Variants in MAP4 observed in about 807,000 individuals in gnomAD.
MAP4 encodes the protein microtubule associated protein 4, also known as microtubule-associated protein 4.
MAP4 carries 76 observed loss-of-function variants against 170.2 expected under a neutral mutation model. The observed-to-expected ratio is 0.45, with a 90% CI of 0.37 to 0.54. The LOEUF (loss-of-function observed/expected upper bound fraction) is 0.54. Ranked by LOEUF, MAP4 falls within the 20% of genes least tolerant of loss-of-function variation. The probability of loss-of-function intolerance (pLI) is 0.00; values close to 1 mark genes in which losing one functional copy is unlikely to be tolerated. For synonymous variants in MAP4, 909 were observed against 994.5 expected (o/e 0.91, Z 1.62); for missense variants, 2,506 against 2,748.0 (o/e 0.91, Z 1.97).
chr3:47,892,689 A>C, intron 10 of MAP4: 1 of 1,377,566 alleles, frequency 7.3e-7, no homozygotes, highest in Non-Finnish European at 9.3e-7. Flanking sequence ...GAAAGGAAGA[A>C]TGAATGAAAG....
chr3:47,962,292 A>C (rs143338674), intron 3 of MAP4, among the ~76,000 whole-genome samples: 1,912 of 152,244 alleles, frequency 0.013, 18 homozygotes, highest in Non-Finnish European at 0.02. Context: ...CTCACCCTTA[A>C]ATTCTTTCCT....
chr3:48,062,713 G>A (rs1485514440), intron 1 of MAP4, among the ~76,000 whole-genome samples: 5 of 151,426 alleles, frequency 3.3e-5, no homozygotes, highest in African/African-American at 9.7e-5. Context: ...ACCTGAGGTT[G>A]GGAGTTCGAG....
intron 10 of MAP4, among the ~76,000 whole-genome samples, chr3:47,887,247 C>T (rs1026004016): frequency 6.6e-5 from 10 of 152,216 alleles, no homozygotes; most frequent in African/African-American, 1.9e-4. Context: ...GCAGCACTTG[C>T]GGGTCAGCTG....
intron 4 of MAP4, among the ~76,000 whole-genome samples, chr3:47,922,449 G>A (rs2100043473): frequency 6.6e-6 from 1 of 152,084 alleles, no homozygotes; most frequent in Admixed American, 6.6e-5. Context: ...GGCAACTAAT[G>A]CTCAGCTGTA....
intron 1 of MAP4, among the ~76,000 whole-genome samples, chr3:48,074,487 AT>A (rs1428580933): frequency 1.2e-5 from 1 of 84,810 alleles, no homozygotes; most frequent in Non-Finnish European, 2.5e-5. Context: ...TACAAAATAC[AT>A]TATATATATA....
intron 12 of MAP4, among the ~76,000 whole-genome samples, chr3:47,873,521 T>C (rs1471670357): frequency 6.6e-6 from 1 of 152,072 alleles, no homozygotes. Context: ...GTACTAGAAA[T>C]TAAGGGCTGG....
chr3:47,870,187 C>A (rs2089055394), intron 15 of MAP4, among the ~76,000 whole-genome samples: 1 of 152,134 alleles, frequency 6.6e-6, no homozygotes, highest in African/African-American at 2.4e-5. Flanking sequence ...CCCATGGTTA[C>A]CAACAGTTAA....
chr3:47,943,552 T>C (rs1578067689), intron 3 of MAP4, among the ~76,000 whole-genome samples: 2 of 152,156 alleles, frequency 1.3e-5, no homozygotes, highest in Non-Finnish European at 2.9e-5. Context: ...GAGGGTGCAG[T>C]GAGCCCAGAT....
At chr3:47,892,736 C>T in intron 10 of MAP4, 1 of 1,330,330 alleles carries the variant, frequency 7.5e-7, no homozygotes, top group Non-Finnish European at 9.6e-7. Context: ...TTCTGCACAA[C>T]AAAATGCTAC....
In MAP4 at chr3:47,944,474, T is replaced by C. The variant is rs2100058463; in HGVS notation, c.293-16124A>G. Among the ~76,000 whole-genome samples the C allele has an allele frequency of 3.9e-5, 6 of 152,090 alleles. No individual in the cohort carries two copies. The South Asian group carries it at 1.2e-3, about 32-fold the overall frequency. ...TGCTGTTTCCTCTACCATAAATTTA[T>C]CTACATCAGAGTCCATCATTACTTC... is the stretch of plus-strand genomic sequence containing the variant. On this transcript the variant is annotated intron_variant, in intron 3 of 20. Transcript: ENST00000683076.
At chr3:47,863,744 A>G (rs2073062829) in intron 17 of MAP4, among the ~76,000 whole-genome samples, 1 of 151,748 alleles carries the variant, frequency 6.6e-6, no homozygotes, top group South Asian at 2.1e-4. Context: ...AAGCCACTAC[A>G]TTGGCACTGG....
intron 1 of MAP4, among the ~76,000 whole-genome samples, chr3:48,005,226 T>C (rs1336649219): frequency 2.6e-5 from 4 of 152,076 alleles, no homozygotes; most frequent in African/African-American, 9.7e-5. Flanking sequence ...CCGGGCGTGG[T>C]GGTGCACCCC....
At chr3:48,065,897 T>C (rs867618975) in intron 1 of MAP4, among the ~76,000 whole-genome samples, 5 of 152,232 alleles carry the variant, frequency 3.3e-5, no homozygotes, top group African/African-American at 9.6e-5. Context: ...GGTGGGAGGA[T>C]TGCTTGAGTC....
intron 2 of MAP4, among the ~76,000 whole-genome samples, chr3:47,998,021 T>C (rs982215633): frequency 1.2e-4 from 19 of 152,150 alleles, no homozygotes; most frequent in Non-Finnish European, 2.5e-4. Flanking sequence ...AGAAAAAATA[T>C]CAATTCTATG....
chr3:47,925,102 G>A (rs921060491), intron 4 of MAP4, among the ~76,000 whole-genome samples: 1 of 152,182 alleles, frequency 6.6e-6, no homozygotes, highest in African/African-American at 2.4e-5. Flanking sequence ...GAGCCACCGT[G>A]CCCGGCTGAA....
In MAP4 at chr3:47,855,413, G is replaced by A; in HGVS notation, c.6584-53C>T. The stretch of plus-strand genomic sequence containing the variant: ...AGGGTGGCAGAGGAATATCCCTGCA[G>A]GCAAAACCAGGACTAGCGATATGCC... On this transcript the variant is annotated intron_variant, in intron 18 of 20. Transcript: ENST00000683076. The surrounding 1 kb of genome is among the most constrained non-coding windows in gnomAD (Gnocchi z 5.1). The A allele has an allele frequency of 9.4e-7, 1 of 1,067,984 alleles. No individual in the cohort carries two copies. The highest frequency in any genetic ancestry group is 1.5e-6 in the Non-Finnish European group (1 of 681,960). The allele number at this position is 1,067,984 out of a possible 1,614,324, so 66.2% of individuals were successfully genotyped here.
intron 3 of MAP4, among the ~76,000 whole-genome samples, chr3:47,964,409 G>T (rs2100073581): frequency 6.6e-6 from 1 of 152,166 alleles, no homozygotes; most frequent in African/African-American, 2.4e-5. Flanking sequence ...AGCAGAAGAG[G>T]ATAGGGAAAC....
intron 3 of MAP4, among the ~76,000 whole-genome samples, chr3:47,937,401 GAAACTTGGAT>G (rs1483039156): frequency 2.6e-5 from 4 of 152,156 alleles, no homozygotes; most frequent in African/African-American, 9.7e-5. Flanking sequence ...AAAAGGTGAT[GAAACTTGGAT>G]AAACGCCTTT....
At chr3:47,902,884 C>T in intron 10 of MAP4, 66 bp downstream of exon 10, 2 of 670,138 alleles carry the variant, frequency 3.0e-6, no homozygotes, top group Non-Finnish European at 3.7e-6. Flanking sequence ...TGTACAAGGG[C>T]CTTGAAACTG....
Sources: allele counts gnomAD v4.1 joint callset (sites outside exome capture counted in the v4.1 genomes callset), GRCh38; gene constraint gnomAD v4.1.1; non-coding constraint Gnocchi (gnomAD v3.1); transcripts MANE v1.5; gene names NCBI Gene and HGNC (gene_info 2026-07-23, HGNC 2026-07-21).